Variants in TBC1D5 observed in about 807,000 individuals in gnomAD.
TBC1D5 encodes the protein TBC1 domain family, member 5.
Under a neutral mutation model 100.3 loss-of-function variants are expected in TBC1D5, and 75 were observed. The observed-to-expected ratio is 0.75, with a 90% CI of 0.62 to 0.91. The LOEUF is 0.91. TBC1D5 is among the 40% of genes least tolerant of loss of function. The pLI, the probability that TBC1D5 is intolerant of heterozygous loss-of-function variation, is 0.00. For missense variants in TBC1D5, 910 were observed against 942.4 expected (o/e 0.97, Z 0.45); for synonymous variants, 323 against 325.6 (o/e 0.99, Z 0.09).
chr3:17,435,090 T>C (rs2094511811), intron 3 of TBC1D5, among the ~76,000 whole-genome samples: 1 of 152,188 alleles, frequency 6.6e-6, no homozygotes, highest in Non-Finnish European at 1.5e-5. Context: ...CTATCAGCAT[T>C]TTGGTCAAAG....
intron 18 of TBC1D5, among the ~76,000 whole-genome samples, chr3:17,193,409 T>C (rs1035307509): frequency 2.0e-5 from 3 of 152,242 alleles, no homozygotes; most frequent in African/African-American, 4.8e-5. Flanking sequence ...TTGGTTTACA[T>C]GCGAAGAGTT....
intron 1 of TBC1D5, among the ~76,000 whole-genome samples, chr3:17,631,304 T>C (rs1265094508): frequency 6.6e-6 from 1 of 152,096 alleles, no homozygotes; most frequent in Non-Finnish European, 1.5e-5. Context: ...TGAGAGGCAG[T>C]AGTGAGAAAC....
Position 17,207,504 on chromosome 3 carries a change from G to C in TBC1D5, c.1752+6703C>G, listed in dbSNP as rs535945275. On this transcript the variant is annotated intron_variant, in intron 18 of 21. Coordinates refer to ENST00000253692, the Ensembl canonical transcript of TBC1D5. ...CATTTCAGTAAAGAAGTATAATGAT[G>C]TCTTTTATAAAAATCTGGCACAAGG... Among the ~76,000 whole-genome samples the C allele has an allele frequency of 1.4e-4, 22 of 152,228 alleles. 1 individual carries two copies. The highest frequency in any genetic ancestry group is 1.3e-3 in the Admixed American group (20 of 15,300).
intron 15 of TBC1D5, among the ~76,000 whole-genome samples, chr3:17,268,812 G>T (rs1232725584): frequency 6.6e-6 from 1 of 152,008 alleles, no homozygotes; most frequent in East Asian, 1.9e-4. Context: ...ACCATTCGGG[G>T]GCTTGATGCC....
intron 12 of TBC1D5, among the ~76,000 whole-genome samples, chr3:17,373,528 G>A (rs1366340494): frequency 6.6e-6 from 1 of 152,192 alleles, no homozygotes; most frequent in Admixed American, 6.5e-5. Context: ...TATATAACAA[G>A]AGAAATGAAC....
At chr3:17,343,994 T>C (rs1575438114) in intron 13 of TBC1D5, among the ~76,000 whole-genome samples, 1 of 152,214 alleles carries the variant, frequency 6.6e-6, no homozygotes, top group Non-Finnish European at 1.5e-5. Flanking sequence ...TTTAGTTATT[T>C]CTTGCCTTCT....
At chr3:17,698,073 C>G (rs1210207578) in intron 1 of TBC1D5, among the ~76,000 whole-genome samples, 2 of 151,880 alleles carry the variant, frequency 1.3e-5, no homozygotes, top group Admixed American at 1.3e-4. Flanking sequence ...AAAAAAGAGC[C>G]CACATTGCCA....
chr3:17,296,548 C>T (rs149520114), intron 14 of TBC1D5, among the ~76,000 whole-genome samples: 1 of 152,274 alleles, frequency 6.6e-6, no homozygotes, highest in African/African-American at 2.4e-5. Context: ...GGCTGGGGTA[C>T]AAAACATAAA....
intron 1 of TBC1D5, among the ~76,000 whole-genome samples, chr3:17,731,387 G>C (rs1286974814): frequency 1.3e-5 from 2 of 151,604 alleles, no homozygotes; most frequent in Non-Finnish European, 2.9e-5. Flanking sequence ...TATAGTCCCA[G>C]CTACTCTACT....
intron 4 of TBC1D5, among the ~76,000 whole-genome samples, chr3:17,410,594 C>T (rs2093897567): frequency 1.3e-5 from 2 of 151,996 alleles, no homozygotes; most frequent in Non-Finnish European, 2.9e-5. Context: ...ATTAGAGATT[C>T]GTGGTGGAAA....
intron 3 of TBC1D5, among the ~76,000 whole-genome samples, chr3:17,455,278 GTGTATATA>G (rs201407622): frequency 4.1e-5 from 6 of 144,814 alleles, no homozygotes; most frequent in South Asian, 2.1e-4. Flanking sequence ...ACATATATGT[GTGTATATA>G]TGTATATATG....
intron 2 of TBC1D5, among the ~76,000 whole-genome samples, chr3:17,596,458 A>T (rs1056018915): frequency 1.3e-5 from 2 of 151,288 alleles, no homozygotes; most frequent in Non-Finnish European, 2.9e-5. Flanking sequence ...AGCTGGGATT[A>T]CAGATGCCCA....
At chr3:17,502,024 T>A (rs1343208730) in intron 3 of TBC1D5, among the ~76,000 whole-genome samples, 1 of 149,630 alleles carries the variant, frequency 6.7e-6, no homozygotes, top group Non-Finnish European at 1.5e-5. Context: ...ACCCATGAAC[T>A]TGTTGCATCT....
chr3:17,713,962 C>T (rs892906212), intron 1 of TBC1D5, among the ~76,000 whole-genome samples: 5 of 152,182 alleles, frequency 3.3e-5, no homozygotes, highest in Admixed American at 2.6e-4. Context: ...GTATAATAGC[C>T]AAATAAATGT....
At chr3:17,210,680 T>G (rs2072873915) in intron 18 of TBC1D5, among the ~76,000 whole-genome samples, 2 of 152,230 alleles carry the variant, frequency 1.3e-5, no homozygotes, top group Non-Finnish European at 1.5e-5. Flanking sequence ...TTGTTTTTTC[T>G]TGTGTGGGTC....
intron 1 of TBC1D5, among the ~76,000 whole-genome samples, chr3:17,704,646 G>T (rs1156407727): frequency 1.4e-5 from 1 of 71,634 alleles, no homozygotes; most frequent in African/African-American, 4.8e-5. Context: ...GGCCAGGCGG[G>T]GGGCCGACCC....
intron 13 of TBC1D5, among the ~76,000 whole-genome samples, chr3:17,352,233 G>A (rs956704037): frequency 5.3e-5 from 8 of 151,676 alleles, no homozygotes; most frequent in South Asian, 2.1e-4. Flanking sequence ...AGATGTTATC[G>A]GGGCATTATT....
At chr3:17,388,023 G>T (rs1447191592) in intron 8 of TBC1D5, among the ~76,000 whole-genome samples, 1 of 151,976 alleles carries the variant, frequency 6.6e-6, no homozygotes, top group Non-Finnish European at 1.5e-5. Context: ...TAAAAATTGA[G>T]ATGTAAAATA....
exon 21 of TBC1D5, chr3:17,166,928 T>C: frequency 6.3e-7 from 1 of 1,594,992 alleles, no homozygotes; most frequent in Non-Finnish European, 8.5e-7. Flanking sequence ...ATGTCTTTGA[T>C]CTATTTTCAA....
Sources: allele counts gnomAD v4.1 joint callset (sites outside exome capture counted in the v4.1 genomes callset), GRCh38; gene constraint gnomAD v4.1.1; transcripts MANE v1.5; gene names NCBI Gene and HGNC (gene_info 2026-07-23, HGNC 2026-07-21).